VAT1L: variants seen among roughly 807,000 people sequenced by gnomAD.
The protein encoded by VAT1L is vesicle amine transport 1 like, also known as putative NADPH-dependent quinone oxidoreductase VAT1L.
Under a neutral mutation model 44.1 loss-of-function variants are expected in VAT1L, and 34 were observed. The ratio of observed to expected loss-of-function variants is 0.77; its 90% CI spans 0.59 to 1.03. The LOEUF is 1.03. Ranked by LOEUF, VAT1L falls within the 50% of genes least tolerant of loss-of-function variation. The pLI, the probability that VAT1L is intolerant of heterozygous loss-of-function variation, is 0.00. For missense variants in VAT1L, 615 were observed against 538.8 expected (o/e 1.14, Z -1.40); for synonymous variants, 253 against 202.2 (o/e 1.25, Z -2.13).
intron 7 of VAT1L, chr16:77,892,400 C>A (rs191606372): frequency 1.1e-4 from 45 of 415,798 alleles, no homozygotes; most frequent in Non-Finnish European, 1.8e-4. Flanking sequence ...CATCTCCTGG[C>A]TCTGCAGACA....
chr16:77,899,196 C>A (rs1022069256), intron 7 of VAT1L, among the ~76,000 whole-genome samples: 2 of 152,190 alleles, frequency 1.3e-5, no homozygotes, highest in Non-Finnish European at 2.9e-5. Context: ...CATTAAGTGA[C>A]CTGGTCAAGG....
intron 7 of VAT1L, among the ~76,000 whole-genome samples, chr16:77,921,449 A>C (rs1486286440): frequency 1.3e-5 from 2 of 152,182 alleles, no homozygotes; most frequent in Non-Finnish European, 2.9e-5. Flanking sequence ...GTGGGAGAGA[A>C]AACTATTTCT....
chr16:77,949,200 C>T (rs561335389), intron 7 of VAT1L, among the ~76,000 whole-genome samples: 3 of 152,232 alleles, frequency 2.0e-5, no homozygotes, highest in African/African-American at 7.2e-5. Flanking sequence ...GGAGACAATA[C>T]ACACGTGGAG....
chr16:77,881,087 G>A (rs781744088), intron 6 of VAT1L, among the ~76,000 whole-genome samples: 6 of 152,134 alleles, frequency 3.9e-5, no homozygotes, highest in Admixed American at 6.6e-5. Context: ...TTGATAGAAC[G>A]ATTTACTTTC....
At chr16:77,850,397 A>G (rs1157201648) in intron 3 of VAT1L, among the ~76,000 whole-genome samples, 1 of 152,180 alleles carries the variant, frequency 6.6e-6, no homozygotes, top group Non-Finnish European at 1.5e-5. Flanking sequence ...CAGTAGATCC[A>G]AGGATCAGAA....
intron 6 of VAT1L, chr16:77,881,976 A>G (rs1024044793): frequency 6.6e-6 from 1 of 152,258 alleles, no homozygotes; most frequent in East Asian, 1.9e-4. Flanking sequence ...CCCATGCTCA[A>G]TGAAGGCATT....
intron 3 of VAT1L, among the ~76,000 whole-genome samples, chr16:77,838,191 A>G (rs1375968029): frequency 6.6e-6 from 1 of 152,194 alleles, no homozygotes; most frequent in East Asian, 1.9e-4. Flanking sequence ...AAACACAGGG[A>G]CTACTCTTGG....
intron 2 of VAT1L, among the ~76,000 whole-genome samples, chr16:77,823,412 G>T (rs67501964): frequency 6.6e-6 from 1 of 152,102 alleles, no homozygotes; most frequent in Non-Finnish European, 1.5e-5. Flanking sequence ...TAATTTGAAA[G>T]CATGAGCTGT....
chr16:77,924,967 A>T (rs1301752209), intron 7 of VAT1L, among the ~76,000 whole-genome samples: 1 of 152,212 alleles, frequency 6.6e-6, no homozygotes, highest in Non-Finnish European at 1.5e-5. Flanking sequence ...GAATTAAGAT[A>T]TGTAAAACTA....
chr16:77,973,365 A>G (rs1288600361), intron 8 of VAT1L, among the ~76,000 whole-genome samples: 2 of 151,762 alleles, frequency 1.3e-5, no homozygotes, highest in Non-Finnish European at 2.9e-5. Context: ...GCTCACTGCA[A>G]CCTCCGCCTC....
chr16:77,944,539 C>G (rs2017935374), intron 7 of VAT1L, among the ~76,000 whole-genome samples: 1 of 152,164 alleles, frequency 6.6e-6, no homozygotes, highest in African/African-American at 2.4e-5. Flanking sequence ...CTAGGATCCT[C>G]AATTTCTTCA....
chr16:77,809,283 G>A (rs117287640), intron 1 of VAT1L, among the ~76,000 whole-genome samples: 2,879 of 152,232 alleles, frequency 0.019, 50 homozygotes, highest in Middle Eastern at 0.092. Context: ...CATAGAAAGC[G>A]CCCCATAAAA....
At chr16:77,795,998 A>G (rs143793678) in intron 1 of VAT1L, among the ~76,000 whole-genome samples, 13,697 of 151,604 alleles carry the variant, frequency 0.09, 852 homozygotes, top group East Asian at 0.22. Context: ...GCTAGTTTTT[A>G]TATTTTTAGT....
intron 6 of VAT1L, among the ~76,000 whole-genome samples, chr16:77,883,087 T>TA (rs1265716643): frequency 2.0e-5 from 3 of 152,104 alleles, no homozygotes; most frequent in South Asian, 2.1e-4. Flanking sequence ...GCTTCCCAAT[T>TA]AAAAAAAATA....
chr16:77,796,543 G>T (rs2015936731), intron 1 of VAT1L, among the ~76,000 whole-genome samples: 1 of 152,216 alleles, frequency 6.6e-6, no homozygotes, highest in Non-Finnish European at 1.5e-5. Flanking sequence ...TAAGCAAATA[G>T]CACTTTCAAC....
intron 2 of VAT1L, among the ~76,000 whole-genome samples, chr16:77,819,928 C>A (rs2016422741): frequency 6.6e-6 from 1 of 152,178 alleles, no homozygotes; most frequent in African/African-American, 2.4e-5. Context: ...TTCCATGCAC[C>A]ATGTTAAGTG....
At chr16:77,965,360 T>G (rs1330879105) in intron 7 of VAT1L, among the ~76,000 whole-genome samples, 1 of 152,202 alleles carries the variant, frequency 6.6e-6, no homozygotes, top group African/African-American at 2.4e-5. Flanking sequence ...GTTTCAGCCC[T>G]GGAATGTTCC....
At position 77,897,291 on chromosome 16, in the gene VAT1L, G is replaced by A. The variant is rs79673433; in HGVS notation, c.1077+12489G>A. Among the ~76,000 whole-genome samples, 279 of 152,128 alleles carry A rather than the reference G, an allele frequency of 1.8e-3. 1 individual carries two copies. The highest frequency in any genetic ancestry group is 6.5e-3 in the African/African-American group (268 of 41,498). On this transcript the variant is annotated intron_variant, in intron 7 of 8. Transcript: ENST00000302536. ...CATCAGTTTCCTCCATTAGAAATGGGGATACTACCATGTTCCTTGTTATTG... is the reference window on the plus strand; with the variant it reads ...CATCAGTTTCCTCCATTAGAAATGGAGATACTACCATGTTCCTTGTTATTG...
chr16:77,827,014 T>C (rs2016530629), intron 3 of VAT1L, among the ~76,000 whole-genome samples: 1 of 151,958 alleles, frequency 6.6e-6, no homozygotes, highest in Admixed American at 6.5e-5. Context: ...CCGTTGTTTG[T>C]ATCTAAGAAA....
Sources: allele counts gnomAD v4.1 joint callset (sites outside exome capture counted in the v4.1 genomes callset), GRCh38; gene constraint gnomAD v4.1.1; transcripts MANE v1.5; gene names NCBI Gene and HGNC (gene_info 2026-07-23, HGNC 2026-07-21).